Variants in PHACTR2 observed in about 807,000 individuals in gnomAD.
PHACTR2 encodes the protein phosphatase and actin regulator 2.
PHACTR2 carries 30 observed loss-of-function variants against 76.0 expected under a neutral mutation model. That is an observed-to-expected ratio of 0.39 (90% CI 0.30 to 0.54). The LOEUF (loss-of-function observed/expected upper bound fraction) is 0.54, where lower values mean the gene tolerates loss of function less well. Ranked by LOEUF, PHACTR2 falls within the 20% of genes least tolerant of loss-of-function variation. The pLI, the probability that PHACTR2 is intolerant of heterozygous loss-of-function variation, is 0.61. For missense variants in PHACTR2, 696 were observed against 781.1 expected (o/e 0.89, Z 1.30); for synonymous variants, 292 against 292.5 (o/e 1.00, Z 0.02).
chr6:143,592,708 A>G lies in PHACTR2; in HGVS notation c.217+55501A>G, dbSNP rs1337147496. On this transcript the variant is annotated intron_variant, in intron 1 of 11. Transcript: ENST00000367584. This position sits in a 1 kb window ranked among gnomAD's most constrained non-coding sequence, Gnocchi z 4.0. ...TAGACTTGGGTTCCATCCCCAGTTCATTCCATATTCATTGTCTACATTACA... is the reference window on the plus strand; with the variant it reads ...TAGACTTGGGTTCCATCCCCAGTTCGTTCCATATTCATTGTCTACATTACA... Among the ~76,000 whole-genome samples the G allele has an allele frequency of 6.6e-6, 1 of 152,132 alleles. No homozygotes were observed. The highest frequency in any genetic ancestry group is 1.5e-5 in the Non-Finnish European group (1 of 68,020).
rs1033036617 is a variant in PHACTR2, at chr6:143,633,614, T to G, written c.13+25292T>G. 1.3e-5 allele frequency among the ~76,000 whole-genome samples: 2 copies of G among 152,210 alleles called. No individual in the cohort carries two copies. Among genetic ancestry groups the G allele is most frequent in the Non-Finnish European group, 2.9e-5 (2 of 68,036 alleles). On this transcript the variant is annotated intron_variant, in intron 1 of 11. Transcript: ENST00000305766. The surrounding 1 kb of genome is among the most constrained non-coding windows in gnomAD (Gnocchi z 4.1). ...GCTTGTCTTCTCATTATCTTGACAT[T>G]GTCTTTCAGAGAGTAGAAGTTGTTA...
In PHACTR2 at chr6:143,570,736, G is replaced by C. The variant is rs757409629; in HGVS notation, c.217+33529G>C. ...TGGCCAGCGTGAGGTGCATGTGCAAGTGGAGAAGTAGCAGGTTCATCGACT... is the reference window on the plus strand; with the variant it reads ...TGGCCAGCGTGAGGTGCATGTGCAACTGGAGAAGTAGCAGGTTCATCGACT... On this transcript the variant is annotated intron_variant, in intron 1 of 11. Transcript: ENST00000367584. This position sits in a 1 kb window ranked among gnomAD's most constrained non-coding sequence, Gnocchi z 4.6. Among the ~76,000 whole-genome samples, 9 of 152,180 alleles carry C rather than the reference G, an allele frequency of 5.9e-5. No individual in the cohort carries two copies. The highest frequency in any genetic ancestry group is 1.3e-4 in the Non-Finnish European group (9 of 68,032).
chr6:143,594,062 A>C (rs1222553230), intron 1 of PHACTR2, among the ~76,000 whole-genome samples: 1 of 152,210 alleles, frequency 6.6e-6, no homozygotes, highest in African/African-American at 2.4e-5. Context: ...CAAAATCTGA[A>C]ACTTTTTGAG....
Position 143,806,958 on chromosome 6 carries a change from TA to T in PHACTR2, c.1846-85del, listed in dbSNP as rs774136054. Reference sequence around the variant, plus strand: ...GATGACAGAGCGAGACTCTATCTCTTAAAAAAAAAAAAAAGGTCTGCTTCAT... The same window carrying T: ...GATGACAGAGCGAGACTCTATCTCTTAAAAAAAAAAAAAGGTCTGCTTCAT... On this transcript the variant is annotated intron_variant, in intron 11 of 12. Coordinates refer to ENST00000440869, the MANE Select transcript of PHACTR2 (RefSeq NM_001100164.2). This position sits in a 1 kb window ranked among gnomAD's most constrained non-coding sequence, Gnocchi z 5.8. 0.2 allele frequency: 99,234 copies of T among 487,076 alleles called. No individual in the cohort carries two copies. The highest frequency in any genetic ancestry group is 0.27 in the South Asian group (9,505 of 35,800). The allele number at this position is 487,076 out of a possible 1,614,324, so 30.2% of individuals were successfully genotyped here.
chr6:143,800,493 C>T lies in PHACTR2; in HGVS notation c.1846-6564C>T, dbSNP rs918547957. 3.9e-5 allele frequency among the ~76,000 whole-genome samples: 6 copies of T among 152,128 alleles called. No homozygotes were observed. The highest frequency in any genetic ancestry group is 1.2e-4 in the African/African-American group (5 of 41,430). On this transcript the variant is annotated intron_variant, in intron 11 of 12. Transcript: ENST00000440869. The surrounding 1 kb of genome is among the most constrained non-coding windows in gnomAD (Gnocchi z 4.8). ...AGCCAGGATGGTCTCGATCTCCTGA[C>T]TTCGTGATCTGCCTGCATCGGCCTC...
In PHACTR2 at chr6:143,700,992, C is replaced by T. The variant is rs368633585; in HGVS notation, c.47-11024C>T. 6.6e-6 allele frequency among the ~76,000 whole-genome samples: 1 copy of T among 152,210 alleles called. No homozygotes were observed. The highest frequency in any genetic ancestry group is 2.4e-5 in the African/African-American group (1 of 41,452). On this transcript the variant is annotated intron_variant, in intron 1 of 12. Transcript: ENST00000440869. This position sits in a 1 kb window ranked among gnomAD's most constrained non-coding sequence, Gnocchi z 4.1. ...GTAGCGATAACAGTGGCATTCAAAA[C>T]GTAAAATGCTTTTATTTACATTAAA...
In PHACTR2 at chr6:143,760,034, A is replaced by G. The variant is rs1197098822; in HGVS notation, c.455-367A>G. On this transcript the variant is annotated intron_variant, in intron 4 of 12. Transcript: ENST00000440869. The surrounding 1 kb of genome is among the most constrained non-coding windows in gnomAD (Gnocchi z 6.4). ...CTCCAGGAGCCTTCAACTTTGTTAA[A>G]TCATTGTTTGTTCAATTTAAATGTA... Among the ~76,000 whole-genome samples the G allele has an allele frequency of 1.3e-5, 2 of 152,162 alleles. No homozygotes were observed.
chr6:143,775,502 G>A lies in PHACTR2; in HGVS notation c.1589+1287G>A, dbSNP rs1011323517. ...AAGGAAAAACAAGGGGCCTCTCTGAGGCCCAGAGAGATTAAGGAAATGTCT... is the reference window on the plus strand; with the variant it reads ...AAGGAAAAACAAGGGGCCTCTCTGAAGCCCAGAGAGATTAAGGAAATGTCT... On this transcript the variant is annotated intron_variant, in intron 8 of 12. Coordinates refer to ENST00000440869, the MANE Select transcript of PHACTR2 (RefSeq NM_001100164.2). The surrounding 1 kb of genome is among the most constrained non-coding windows in gnomAD (Gnocchi z 4.4). Among the ~76,000 whole-genome samples the A allele has an allele frequency of 1.3e-5, 2 of 152,298 alleles. No homozygotes were observed. Among genetic ancestry groups the A allele is most frequent in the Non-Finnish European group, 2.9e-5 (2 of 68,028 alleles).
At chr6:143,713,613 G>A (rs1377806997) in intron 2 of PHACTR2, among the ~76,000 whole-genome samples, 2 of 152,200 alleles carry the variant, frequency 1.3e-5, no homozygotes, top group African/African-American at 4.8e-5. Context: ...GGGTGACTTT[G>A]AACAGGTCAG....
At position 143,708,044 on chromosome 6, in the gene PHACTR2, A is replaced by C. The variant is rs377018474; in HGVS notation, c.47-3972A>C. Among the ~76,000 whole-genome samples the C allele has an allele frequency of 3.0e-4, 46 of 152,284 alleles. No individual in the cohort carries two copies. Among genetic ancestry groups the C allele is most frequent in the African/African-American group, 9.4e-4 (39 of 41,556 alleles). On this transcript the variant is annotated intron_variant, in intron 1 of 12. Coordinates refer to ENST00000440869, the MANE Select transcript of PHACTR2 (RefSeq NM_001100164.2). The surrounding 1 kb of genome is among the most constrained non-coding windows in gnomAD (Gnocchi z 5.5). ...TCTGCCACCATGATCCATACCTCCC[A>C]CCAGGCTCCACCTCCAACACTGAGG...
At chr6:143,628,374 C>G (rs985604843) in intron 1 of PHACTR2, among the ~76,000 whole-genome samples, 3 of 152,204 alleles carry the variant, frequency 2.0e-5, no homozygotes, top group African/African-American at 7.2e-5. Flanking sequence ...AGAAGTCTAG[C>G]AGTCTAGTGT....
chr6:143,827,178 A>ATATATATATATATATATGTATAT lies in PHACTR2; in HGVS notation c.*3506_*3507insGTATATTATATATATATATATAT, dbSNP rs1562322762. ...AAAATATATATATATATATATATAT[A>ATATATATATATATATATGTATAT]TATATATATATATATATATATGTAT... On this transcript the variant is annotated 3_prime_UTR_variant, in exon 13 of 13. Coordinates refer to ENST00000440869, the MANE Select transcript of PHACTR2 (RefSeq NM_001100164.2). The ATATATATATATATATATGTATAT allele has an allele frequency of 8.5e-5, 11 of 128,844 alleles. No individual in the cohort carries two copies. Among genetic ancestry groups the ATATATATATATATATATGTATAT allele is most frequent in the African/African-American group, 3.2e-4 (11 of 34,324 alleles). 8.0% of individuals were successfully genotyped at this position (128,844 alleles called of 1,614,324 possible). A position where few individuals can be genotyped will look rare whatever the true frequency, so the allele number is the denominator to read the frequency against.
intron 6 of PHACTR2, among the ~76,000 whole-genome samples, chr6:143,771,605 A>G (rs147324430): frequency 2.0e-3 from 300 of 151,308 alleles, no homozygotes; most frequent in African/African-American, 7.0e-3. Flanking sequence ...GCTGGCTAAT[A>G]TTTTGTATTT....
At chr6:143,551,330 C>T (rs1336471119) in intron 1 of PHACTR2, among the ~76,000 whole-genome samples, 1 of 152,122 alleles carries the variant, frequency 6.6e-6, no homozygotes, top group Admixed American at 6.5e-5. Flanking sequence ...GTAAGGACAA[C>T]AATAACTAAT....
In PHACTR2 at chr6:143,780,342, T is replaced by C. The variant is rs1244703790; in HGVS notation, c.1646-2877T>C. On this transcript the variant is annotated intron_variant, in intron 9 of 12. Coordinates refer to ENST00000440869, the MANE Select transcript of PHACTR2 (RefSeq NM_001100164.2). The surrounding 1 kb of genome is among the most constrained non-coding windows in gnomAD (Gnocchi z 4.4). ...AACACCCATATGAGGCCAGGTAAGG[T>C]GGCTTATGCCTGTAATCCCAAAGCC... Among the ~76,000 whole-genome samples the C allele has an allele frequency of 6.6e-6, 1 of 152,138 alleles. No homozygotes were observed. Among genetic ancestry groups the C allele is most frequent in the Non-Finnish European group, 1.5e-5 (1 of 68,020 alleles).
rs1255713285 is a variant in PHACTR2 at position 143,653,057 on chromosome 6, T to G, written c.13+44735T>G. ...CTGCAACTGGCAAGAGAATTGTACT[T>G]GATGGCACACGGTGTGATGGTTGCC... On this transcript the variant is annotated intron_variant, in intron 1 of 11. Transcript: ENST00000305766. This position sits in a 1 kb window ranked among gnomAD's most constrained non-coding sequence, Gnocchi z 4.9. Among the ~76,000 whole-genome samples, 2 of 152,208 alleles carry G rather than the reference T, an allele frequency of 1.3e-5. No individual in the cohort carries two copies. Among genetic ancestry groups the G allele is most frequent in the Non-Finnish European group, 2.9e-5 (2 of 68,040 alleles).
chr6:143,756,623 C>T (rs1160443134), intron 4 of PHACTR2, among the ~76,000 whole-genome samples: 5 of 150,414 alleles, frequency 3.3e-5, no homozygotes, highest in Non-Finnish European at 5.9e-5. Context: ...GGCGTGAACC[C>T]GGGAGGCGGA....
At chr6:143,630,485 A>G (rs2128441868) in intron 1 of PHACTR2, among the ~76,000 whole-genome samples, 1 of 152,250 alleles carries the variant, frequency 6.6e-6, no homozygotes. Flanking sequence ...AACAAATTAA[A>G]AGTGTTGTGA....
In PHACTR2 at chr6:143,751,454, T is replaced by A. The variant is rs1356970295; in HGVS notation, c.296-2300T>A. Among the ~76,000 whole-genome samples the A allele has an allele frequency of 6.6e-6, 1 of 152,164 alleles. No individual in the cohort carries two copies. The highest frequency in any genetic ancestry group is 1.5e-5 in the Non-Finnish European group (1 of 68,026). ...GAGGTTGTGGAGGTGGTTTTGCCTG[T>A]GTGCCATCCTTTCCTTTTCTCCCAC... On this transcript the variant is annotated intron_variant, in intron 3 of 12. Coordinates refer to ENST00000440869, the MANE Select transcript of PHACTR2 (RefSeq NM_001100164.2). The surrounding 1 kb of genome is among the most constrained non-coding windows in gnomAD (Gnocchi z 5.7).
Sources: allele counts gnomAD v4.1 joint callset (sites outside exome capture counted in the v4.1 genomes callset), GRCh38; gene constraint gnomAD v4.1.1; non-coding constraint Gnocchi (gnomAD v3.1); transcripts MANE v1.5; gene names NCBI Gene and HGNC (gene_info 2026-07-23, HGNC 2026-07-21).